EFHB: variants seen among roughly 807,000 people sequenced by gnomAD.
EFHB encodes the protein EF-hand domain-containing family member B.
EFHB carries 91 observed loss-of-function variants against 87.2 expected under a neutral mutation model. The observed-to-expected ratio is 1.04, with a 90% confidence interval of 0.88 to 1.24. EFHB has a LOEUF of 1.24. Among genes scored for constraint, EFHB ranks in the 50% most tolerant of loss-of-function variants. The probability of loss-of-function intolerance (pLI) is 0.00; values close to 1 mark genes in which losing one functional copy is unlikely to be tolerated. For synonymous variants in EFHB, 325 were observed against 333.6 expected, an observed-to-expected ratio of 0.97 and a Z score of 0.28; for missense variants, 1,084 against 998.8, an observed-to-expected ratio of 1.09 and a Z score of -1.15.
intron 1 of EFHB, chr3:19,941,437 A>T: frequency 6.2e-6 from 1 of 160,444 alleles, no homozygotes; most frequent in Non-Finnish European, 1.4e-5. Flanking sequence ...GTATGCTTGT[A>T]CTTGAACTCA....
In EFHB at chr3:19,888,589, A is replaced by C; in HGVS notation, c.1788T>G (p.Ser596Arg). Residue 596 changes from serine (S) to arginine (R), a missense_variant, in exon 10 of 13, where the codon AGT (serine) becomes AGG (arginine). Transcript: ENST00000295824. Reference protein sequence around the residue: ...LQEACDQANLSLDDKLLDQLF... With the variant: ...LQEACDQANLRLDDKLLDQLF... Reference sequence around the variant, plus strand: ...GCTGGTCCAGGAGCTTGTCATCTAAACTCAAGTTGGCCTGGTCACAAGCTT... The same window carrying C: ...GCTGGTCCAGGAGCTTGTCATCTAACCTCAAGTTGGCCTGGTCACAAGCTT... 1 of 1,606,628 alleles carries C rather than the reference A, an allele frequency of 6.2e-7. No individual in the cohort carries two copies. The highest frequency in any genetic ancestry group is 8.5e-7 in the Non-Finnish European group (1 of 1,176,354).
intron 1 of EFHB, chr3:19,942,537 C>G (rs1290013481): frequency 6.6e-6 from 1 of 152,230 alleles, no homozygotes; most frequent in African/African-American, 2.4e-5. Flanking sequence ...AGTTTTAGGA[C>G]AATTCAAGCA....
At chr3:19,889,137 G>C (rs1010413563) in intron 9 of EFHB, among the ~76,000 whole-genome samples, 2 of 152,206 alleles carry the variant, frequency 1.3e-5, no homozygotes, top group African/African-American at 4.8e-5. Flanking sequence ...GTAGGGGGAG[G>C]AGGGTGGAGG....
At chr3:19,937,948 A>G (rs933992142), upstream of EFHB, among the ~76,000 whole-genome samples, 6 of 152,280 alleles carry the variant, frequency 3.9e-5, no homozygotes, top group Non-Finnish European at 7.4e-5. Flanking sequence ...CAGTCCCTTG[A>G]CTCAACTCCT....
At chr3:19,938,486 G>A (rs1284189016), upstream of EFHB, among the ~76,000 whole-genome samples, 1 of 152,174 alleles carries the variant, frequency 6.6e-6, no homozygotes, top group Non-Finnish European at 1.5e-5. Flanking sequence ...GCCAAGTGTA[G>A]TAAAATGCTA....
upstream of EFHB, chr3:19,936,336 T>TG (rs768672668): frequency 2.8e-6 from 1 of 358,686 alleles, no homozygotes; most frequent in South Asian, 4.6e-5. Flanking sequence ...GGCGACAGAC[T>TG]GAAAAAAAAA....
intron 1 of EFHB, among the ~76,000 whole-genome samples, chr3:19,927,051 A>ATG (rs1333939923): frequency 6.6e-6 from 1 of 152,184 alleles, no homozygotes; most frequent in Non-Finnish European, 1.5e-5. Flanking sequence ...AACCTCCCAT[A>ATG]GCCCTATGTT....
At chr3:19,928,764 A>G (rs962757060) in intron 1 of EFHB, among the ~76,000 whole-genome samples, 4 of 152,152 alleles carry the variant, frequency 2.6e-5, no homozygotes, top group Non-Finnish European at 5.9e-5. Context: ...TGTTTTTAAT[A>G]TTGTATTTTT....
intron 1 of EFHB, among the ~76,000 whole-genome samples, chr3:19,922,208 G>A (rs1220339056): frequency 6.6e-6 from 1 of 152,128 alleles, no homozygotes; most frequent in African/African-American, 2.4e-5. Context: ...AGAATATGCT[G>A]TCCAAAAATA....
chr3:19,888,859 T>C (rs568658675), intron 9 of EFHB, among the ~76,000 whole-genome samples: 2 of 152,350 alleles, frequency 1.3e-5, no homozygotes, highest in South Asian at 2.1e-4. Context: ...ATATGACCAA[T>C]AGGTGTGTAC....
intron 5 of EFHB, among the ~76,000 whole-genome samples, chr3:19,912,385 A>C (rs1358323957): frequency 6.6e-6 from 1 of 152,148 alleles, no homozygotes; most frequent in Non-Finnish European, 1.5e-5. Flanking sequence ...GAAGAAATAA[A>C]GACTCTCACA....
At chr3:19,887,244 TG>T (rs1694133138) in intron 10 of EFHB, among the ~76,000 whole-genome samples, 1 of 151,696 alleles carries the variant, frequency 6.6e-6, no homozygotes, top group African/African-American at 2.4e-5. Context: ...TAGCCAGGCA[TG>T]GTGGCACACA....
intron 5 of EFHB, among the ~76,000 whole-genome samples, chr3:19,906,468 T>TA (rs1464964388): frequency 5.9e-5 from 9 of 152,066 alleles, no homozygotes; most frequent in African/African-American, 2.2e-4. Context: ...TATGATAGCA[T>TA]AAAAAAATAC....
chr3:19,918,979 C>CAAAA (rs11356910), intron 3 of EFHB, among the ~76,000 whole-genome samples: 3 of 75,980 alleles, frequency 3.9e-5, no homozygotes, highest in Non-Finnish European at 5.5e-5. Flanking sequence ...GACTCAGTCT[C>CAAAA]AAAAAAAAAA....
In EFHB at chr3:19,879,812, A is replaced by G. The variant is rs1344420954; in HGVS notation, c.2329-8T>C. 2.5e-6 allele frequency: 4 copies of G among 1,572,514 alleles called. No individual in the cohort carries two copies. Among genetic ancestry groups the G allele is most frequent in the Non-Finnish European group, 3.4e-6 (4 of 1,162,716 alleles). ...ACACAATATCTCTGCAATCTAGAAA[A>G]AGGCATTTAAAATAGACCATGATTT... On this transcript the variant is annotated splice_polypyrimidine_tract_variant and splice_region_variant and intron_variant, in intron 12 of 12. Transcript: ENST00000295824.
At chr3:19,905,559 A>G in intron 6 of EFHB, 61 bp downstream of exon 6, 1 of 1,542,880 alleles carries the variant, frequency 6.5e-7, no homozygotes, top group Non-Finnish European at 8.8e-7. Flanking sequence ...TTTAAAAATC[A>G]ACTTTTCTTT....
chr3:19,904,423 C>T (rs1694771873), intron 6 of EFHB, among the ~76,000 whole-genome samples: 1 of 152,114 alleles, frequency 6.6e-6, no homozygotes, highest in South Asian at 2.1e-4. Flanking sequence ...AGGCTGGCCT[C>T]AAGCTCCTGG....
chr3:19,936,018 A>AC (rs1696008065), upstream of EFHB: 6 of 1,107,258 alleles, frequency 5.4e-6, no homozygotes, highest in African/African-American at 9.9e-5. Context: ...CAAAAAAAAA[A>AC]AAAAAAAAAA....
At chr3:19,902,188 G>A (rs1174547220) in intron 6 of EFHB, among the ~76,000 whole-genome samples, 1 of 152,100 alleles carries the variant, frequency 6.6e-6, no homozygotes, top group Non-Finnish European at 1.5e-5. Context: ...AGCTCTTTGT[G>A]TGCCAGTGAA....
Sources: gnomAD v4.1 joint callset for allele counts (sites outside exome capture counted in the v4.1 genomes callset) on GRCh38, gnomAD v4.1.1 for gene constraint, MANE v1.5 for transcripts, NCBI Gene and HGNC (gene_info 2026-07-23, HGNC 2026-07-21) for gene names.